Variants in SPANXN1 observed in about 807,000 individuals in gnomAD.
SPANXN1 encodes the protein sperm protein associated with the nucleus on the X chromosome N1.
In SPANXN1, 1 loss-of-function variant was observed where a neutral mutation model predicts 2.0. The observed-to-expected ratio is 0.50, with a 90% confidence interval of 0.18 to 2.36. The LOEUF is 2.36. Ranked by LOEUF, SPANXN1 falls within the 30% of genes most tolerant of loss-of-function variation. SPANXN1 has a pLI of 0.26. For missense variants in SPANXN1, 55 were observed against 51.8 expected, an observed-to-expected ratio of 1.06 and a Z score of -0.19; for synonymous variants, 27 against 21.3, an observed-to-expected ratio of 1.27 and a Z score of -0.74.
intron 1 of SPANXN1, among the ~76,000 whole-genome samples, chrX:145,248,549 T>A (rs372641388): frequency 8.9e-6 from 1 of 111,980 alleles, no homozygotes; most frequent in East Asian, 2.8e-4. Flanking sequence ...ACCTGGATGG[T>A]CTGCTTGTTA....
intron 1 of SPANXN1, among the ~76,000 whole-genome samples, chrX:145,248,109 C>T (rs1175827233): frequency 8.9e-6 from 1 of 111,892 alleles, no homozygotes; most frequent in Non-Finnish European, 1.9e-5. Context: ...GTGGTTTGGA[C>T]TCACATTCTT....
intron 1 of SPANXN1, among the ~76,000 whole-genome samples, chrX:145,250,208 T>C (rs782201099): frequency 9.0e-6 from 1 of 111,683 alleles, no homozygotes; most frequent in Non-Finnish European, 1.9e-5. Flanking sequence ...CAAGAGCGAG[T>C]TTAAACCGGT....
chrX:145,253,964 A>T (rs2070796618), intron 1 of SPANXN1, among the ~76,000 whole-genome samples: 1 of 110,645 alleles, frequency 9.0e-6, no homozygotes, highest in African/African-American at 3.3e-5. Flanking sequence ...ACCTCCTGCA[A>T]GGGAAGGACT....
intron 1 of SPANXN1, among the ~76,000 whole-genome samples, chrX:145,254,836 G>A (rs1200075936): frequency 8.9e-6 from 1 of 111,800 alleles, no homozygotes; most frequent in Non-Finnish European, 1.9e-5. Flanking sequence ...AAGGTCGAGA[G>A]TTTGATCAAT....
At chrX:145,249,351 G>C (rs1279889207) in intron 1 of SPANXN1, among the ~76,000 whole-genome samples, 1 of 111,029 alleles carries the variant, frequency 9.0e-6, no homozygotes, top group Non-Finnish European at 1.9e-5. Context: ...GGAGAAAAAG[G>C]AGATTTGAGT....
chrX:145,254,456 G>A (rs1363079988), intron 1 of SPANXN1, among the ~76,000 whole-genome samples: 5 of 112,076 alleles, frequency 4.5e-5, no homozygotes, highest in African/African-American at 9.7e-5. Flanking sequence ...ATCCCAGAGC[G>A]GAGTGAGTTC....
At position 145,248,336 on chromosome X, in the gene SPANXN1, G is replaced by A. The variant is rs781869946; in HGVS notation, c.75+675G>A. ...GCCTGGACAGGGGAGTTTAGCCTTC[G>A]GGAGATAAAGCAGGATATGAAGGTG... is the stretch of plus-strand genomic sequence containing the variant. On this transcript the variant is annotated intron_variant, in intron 1 of 1. Coordinates refer to ENST00000370493, the MANE Select transcript of SPANXN1 (RefSeq NM_001009614.3). Among the ~76,000 whole-genome samples the A allele has an allele frequency of 2.0e-3, 224 of 111,098 alleles. 1 individual carries two copies. The highest frequency in any genetic ancestry group is 6.7e-3 in the African/African-American group (205 of 30,474).
intron 1 of SPANXN1, among the ~76,000 whole-genome samples, chrX:145,253,803 C>A (rs189492209): frequency 9.0e-6 from 1 of 110,838 alleles, no homozygotes; most frequent in Non-Finnish European, 1.9e-5. Context: ...ATGACATATA[C>A]GTCATGCCAG....
chrX:145,251,534 A>T (rs1248689634), intron 1 of SPANXN1, among the ~76,000 whole-genome samples: 1 of 111,544 alleles, frequency 9.0e-6, no homozygotes, highest in Non-Finnish European at 1.9e-5. Flanking sequence ...AGAGATGTGC[A>T]ATGGCTTCTG....
chrX:145,253,992 A>T (rs2070796777), intron 1 of SPANXN1, among the ~76,000 whole-genome samples: 1 of 109,348 alleles, frequency 9.1e-6, no homozygotes, highest in Non-Finnish European at 1.9e-5. Flanking sequence ...GCCTTTGGGC[A>T]TGTGCCTGGT....
intron 1 of SPANXN1, among the ~76,000 whole-genome samples, chrX:145,254,214 T>C (rs1365388531): frequency 9.0e-6 from 1 of 110,659 alleles, no homozygotes; most frequent in Non-Finnish European, 1.9e-5. Flanking sequence ...GGGGGGTTTC[T>C]CCTTGAGGAG....
chrX:145,253,801 T>A (rs1293907888), intron 1 of SPANXN1, among the ~76,000 whole-genome samples: 1 of 111,062 alleles, frequency 9.0e-6, no homozygotes, highest in Non-Finnish European at 1.9e-5. Context: ...GGATGACATA[T>A]ACGTCATGCC....
chrX:145,255,991 C>T lies in SPANXN1; in HGVS notation c.*177C>T. Reference sequence around the variant, plus strand: ...AAGGATCTTCAAAGCAGAATGAAGACCTAGGCTTACCTGAAGGATCTTCAA... The same window carrying T: ...AAGGATCTTCAAAGCAGAATGAAGATCTAGGCTTACCTGAAGGATCTTCAA... On this transcript the variant is annotated 3_prime_UTR_variant, in exon 2 of 2. Transcript: ENST00000370493. 1.1e-6 allele frequency: 1 copy of T among 873,643 alleles called. No individual in the cohort carries two copies. Among genetic ancestry groups the T allele is most frequent in the Non-Finnish European group, 1.7e-6 (1 of 597,920 alleles). 72.0% of individuals were successfully genotyped at this position (873,643 alleles called of 1,213,427 possible). A position where few individuals can be genotyped will look rare whatever the true frequency, so the allele number is the denominator to read the frequency against.
At chrX:145,254,267 G>C (rs2070798433) in intron 1 of SPANXN1, among the ~76,000 whole-genome samples, 1 of 111,921 alleles carries the variant, frequency 8.9e-6, no homozygotes, top group Admixed American at 9.5e-5. Flanking sequence ...GAGGGAGAGT[G>C]AGCTGTGAAC....
intron 1 of SPANXN1, among the ~76,000 whole-genome samples, chrX:145,252,096 C>G (rs2070788344): frequency 9.0e-6 from 1 of 111,332 alleles, no homozygotes; most frequent in South Asian, 3.8e-4. Context: ...TGGAGGAGGG[C>G]ACTAGGAAAA....
chrX:145,254,923 C>G (rs1355358983), intron 1 of SPANXN1, among the ~76,000 whole-genome samples: 3 of 111,856 alleles, frequency 2.7e-5, no homozygotes, highest in Non-Finnish European at 5.6e-5. Flanking sequence ...ATCACAGGAT[C>G]TGGAAGCAGG....
At chrX:145,250,194 G>C (rs781988295) in intron 1 of SPANXN1, among the ~76,000 whole-genome samples, 34 of 112,118 alleles carry the variant, frequency 3.0e-4, no homozygotes, top group Non-Finnish European at 5.8e-4. Flanking sequence ...TGTCTGACTG[G>C]ATGCAAGAGC....
chrX:145,251,480 T>C (rs1299605968), intron 1 of SPANXN1, among the ~76,000 whole-genome samples: 1 of 111,251 alleles, frequency 9.0e-6, no homozygotes, highest in Non-Finnish European at 1.9e-5. Context: ...CCAAGATTTT[T>C]AGTCAGAGTG....
intron 1 of SPANXN1, among the ~76,000 whole-genome samples, chrX:145,247,991 T>C (rs1327528830): frequency 8.9e-6 from 1 of 112,251 alleles, no homozygotes; most frequent in Non-Finnish European, 1.9e-5. Context: ...GTTGGACCTT[T>C]GTCCGTCTTG....
Sources: gnomAD v4.1 joint callset for allele counts (sites outside exome capture counted in the v4.1 genomes callset) on GRCh38, gnomAD v4.1.1 for gene constraint, MANE v1.5 for transcripts, NCBI Gene and HGNC (gene_info 2026-07-23, HGNC 2026-07-21) for gene names.